IKBKB: variants seen among roughly 807,000 people sequenced by gnomAD.
The protein encoded by IKBKB is inhibitor of nuclear factor kappa-B kinase subunit beta.
Under a neutral mutation model 113.6 loss-of-function variants are expected in IKBKB, and 42 were observed. That is an observed-to-expected ratio of 0.37 (90% CI 0.29 to 0.48). IKBKB has a LOEUF of 0.48. Among genes scored for constraint, IKBKB ranks in the 20% least tolerant of loss-of-function variants. The pLI is 0.99. For synonymous variants in IKBKB, 296 were observed against 361.3 expected (o/e 0.82, Z 2.05); for missense variants, 673 against 939.7 (o/e 0.72, Z 3.71).
intron 2 of IKBKB, among the ~76,000 whole-genome samples, chr8:42,282,714 G>A (rs769735791): frequency 6.6e-6 from 1 of 152,198 alleles, no homozygotes; most frequent in Non-Finnish European, 1.5e-5. Context: ...TTTCAGAACC[G>A]GTGATCGTAG....
intron 4 of IKBKB, among the ~76,000 whole-genome samples, chr8:42,291,752 C>A (rs1398520607): frequency 6.6e-6 from 1 of 152,030 alleles, no homozygotes; most frequent in Non-Finnish European, 1.5e-5. Flanking sequence ...ATACCAAGGC[C>A]CTGTCTCCTC....
At chr8:42,278,923 G>A (rs969324265) in intron 2 of IKBKB, among the ~76,000 whole-genome samples, 5 of 152,196 alleles carry the variant, frequency 3.3e-5, no homozygotes, top group Non-Finnish European at 5.9e-5. Flanking sequence ...GAACCCAGGA[G>A]GTGGAGGTTG....
intron 2 of IKBKB, among the ~76,000 whole-genome samples, chr8:42,287,000 C>T (rs1021142895): frequency 1.3e-5 from 2 of 152,224 alleles, no homozygotes; most frequent in African/African-American, 4.8e-5. Context: ...GCAGGATCGG[C>T]TCTCAGGCTG....
chr8:42,309,500 A>G, intron 8 of IKBKB: 1 of 417,922 alleles, frequency 2.4e-6, no homozygotes, highest in Non-Finnish European at 4.8e-6. Context: ...CACTCCTGTA[A>G]TCCCAGCACT....
Position 42,271,316 on chromosome 8 carries a change from G to C in IKBKB, c.-172G>C. 1 of 968,722 alleles carries C rather than the reference G, an allele frequency of 1.0e-6. No homozygotes were observed. The highest frequency in any genetic ancestry group is 1.6e-6 in the Non-Finnish European group (1 of 629,600). The allele number at this position is 968,722 out of a possible 1,614,324, so 60.0% of individuals were successfully genotyped here. On this transcript the variant is annotated 5_prime_UTR_variant, in exon 1 of 22. Transcript: ENST00000520810. ...CAACGTGCTCCGTGACGTCAGAGCA[G>C]GAAGTGTTTGAGGAAGTCGCGCCGC...
intron 2 of IKBKB, among the ~76,000 whole-genome samples, chr8:42,278,271 A>G (rs1809605458): frequency 6.6e-6 from 1 of 152,200 alleles, no homozygotes. Flanking sequence ...AGGATGGGGC[A>G]CAAGTGCCTG....
chr8:42,298,077 G>A, intron 5 of IKBKB: 5 of 985,286 alleles, frequency 5.1e-6, no homozygotes, highest in Non-Finnish European at 6.0e-6. Flanking sequence ...GCTCAAGGAA[G>A]TTATATGTGA....
chr8:42,330,668 G>A (rs750825067), intron 21 of IKBKB: 48 of 268,826 alleles, frequency 1.8e-4, no homozygotes, highest in South Asian at 7.0e-4. Flanking sequence ...TTGCCACCAC[G>A]CCTGGCTAAT....
chr8:42,272,715 G>A (rs1385508860), intron 2 of IKBKB, among the ~76,000 whole-genome samples: 2 of 151,922 alleles, frequency 1.3e-5, no homozygotes, highest in Non-Finnish European at 1.5e-5. Flanking sequence ...TGAGGCAGGC[G>A]GATCACGCAG....
intron 2 of IKBKB, among the ~76,000 whole-genome samples, chr8:42,282,273 C>G (rs934005606): frequency 6.6e-6 from 1 of 152,192 alleles, no homozygotes; most frequent in East Asian, 1.9e-4. Flanking sequence ...AGGTCTCGCT[C>G]TATTGCCCAG....
Position 42,316,877 on chromosome 8 carries a change from T to C in IKBKB, c.1098T>C (p.Pro366=). 8 of 1,614,170 alleles carry C rather than the reference T, an allele frequency of 5.0e-6. No homozygotes were observed. The highest frequency in any genetic ancestry group is 6.8e-6 in the Non-Finnish European group (8 of 1,180,026). The change falls in exon 11 of 22, where the codon CCT becomes CCC. Residue 366 remains proline (P), a synonymous_variant. Coordinates refer to ENST00000520810, the MANE Select transcript of IKBKB (RefSeq NM_001556.3). The surrounding 1 kb of genome is among the most constrained non-coding windows in gnomAD (Gnocchi z 4.5). ...EAGLALIPDK[P]ATQCISDGKL... is the part of the protein sequence containing the mutation. ...GCCTGGCGTTGATCCCCGATAAGCCTGCCACTCAGTGTATTTCAGACGGCA... is the reference window on the plus strand; with the variant it reads ...GCCTGGCGTTGATCCCCGATAAGCCCGCCACTCAGTGTATTTCAGACGGCA...
chr8:42,317,997 C>CA (rs1274704437), intron 12 of IKBKB, among the ~76,000 whole-genome samples: 1 of 152,084 alleles, frequency 6.6e-6, no homozygotes, highest in African/African-American at 2.4e-5. Context: ...CGTGGTGGCT[C>CA]ACACCTGTAA....
rs1057318538 is a variant in IKBKB, at chr8:42,293,650, G to A, written c.388+138G>A. The A allele has an allele frequency of 4.8e-6, 7 of 1,460,210 alleles. No individual in the cohort carries two copies. The Admixed American group carries it at 1.4e-4, about 29-fold the overall frequency. 90.5% of individuals were successfully genotyped at this position (1,460,210 alleles called of 1,614,324 possible). On this transcript the variant is annotated intron_variant, in intron 5 of 21. Transcript: ENST00000520810. ...GGGGAATGGGAGCCCAGGGACGGGG[G>A]ACCCTGGTGGAGTAGGGAGGTCAAC...
intron 2 of IKBKB, among the ~76,000 whole-genome samples, chr8:42,285,933 T>G (rs558135385): frequency 5.9e-5 from 9 of 152,322 alleles, no homozygotes; most frequent in African/African-American, 2.2e-4. Flanking sequence ...AGGGAGTGGC[T>G]GCTGATGGGT....
At chr8:42,284,974 A>G (rs1426740153) in intron 2 of IKBKB, among the ~76,000 whole-genome samples, 2 of 147,712 alleles carry the variant, frequency 1.4e-5, no homozygotes, top group East Asian at 4.1e-4. Flanking sequence ...CTCCTGCCTC[A>G]GTCTCCCGAG....
chr8:42,285,954 G>A (rs2130245858), intron 2 of IKBKB, among the ~76,000 whole-genome samples: 1 of 152,346 alleles, frequency 6.6e-6, no homozygotes, highest in African/African-American at 2.4e-5. Context: ...GTGGAGTTTT[G>A]TTGTGGGATG....
At chr8:42,289,244 G>T (rs1483883272) in intron 3 of IKBKB, among the ~76,000 whole-genome samples, 1 of 152,122 alleles carries the variant, frequency 6.6e-6, no homozygotes, top group African/African-American at 2.4e-5. Flanking sequence ...TTAAATATCT[G>T]CCCCTCCATC....
rs1032549124 is a variant in IKBKB, at chr8:42,325,847, A to G, written c.1987-123A>G. The G allele has an allele frequency of 1.4e-5, 21 of 1,503,724 alleles. 1 individual carries two copies. The highest frequency in any genetic ancestry group is 1.9e-5 in the Non-Finnish European group (21 of 1,131,390). 93.1% of individuals were successfully genotyped at this position (1,503,724 alleles called of 1,614,324 possible). ...CCCGCAGGTGGGGGTGCCAACTGGT[A>G]GGCTGTAGGGTTAGCTCTGGCCTCT... is the stretch of plus-strand genomic sequence containing the variant. On this transcript the variant is annotated intron_variant, in intron 19 of 21. Transcript: ENST00000520810.
At chr8:42,319,187 AT>A in intron 13 of IKBKB, 82 bp from the exon 14 acceptor site, 1 of 1,291,918 alleles carries the variant, frequency 7.7e-7, no homozygotes, top group Non-Finnish European at 1.1e-6. Context: ...CTCCCTTGAC[AT>A]TTGAGGGGGT....
Sources: gnomAD v4.1 joint callset for allele counts (sites outside exome capture counted in the v4.1 genomes callset) on GRCh38, gnomAD v4.1.1 for gene constraint, Gnocchi (gnomAD v3.1) non-coding constraint, MANE v1.5 for transcripts, NCBI Gene and HGNC (gene_info 2026-07-23, HGNC 2026-07-21) for gene names.